Variants in KCNMA1 observed in about 807,000 individuals in gnomAD.
KCNMA1 encodes potassium calcium-activated channel subfamily M alpha 1.
In KCNMA1, 29 loss-of-function variants were observed where a neutral mutation model predicts 140.0. The ratio of observed to expected loss-of-function variants is 0.21; its 90% CI spans 0.15 to 0.28. KCNMA1 has a LOEUF of 0.28. Among genes scored for constraint, KCNMA1 ranks in the 10% least tolerant of loss-of-function variants. The pLI is 1.00. For synonymous variants in KCNMA1, 612 were observed against 611.9 expected, an observed-to-expected ratio of 1.00 and a Z score of 0.00; for missense variants, 880 against 1,602.2, an observed-to-expected ratio of 0.55 and a Z score of 7.70.
At chr10:77,261,708 A>G (rs531087068) in intron 2 of KCNMA1, among the ~76,000 whole-genome samples, 1 of 152,330 alleles carries the variant, frequency 6.6e-6, no homozygotes, top group Non-Finnish European at 1.5e-5. Context: ...AAAACTTAAA[A>G]GGTTGCTTTT....
chr10:77,238,049 G>A lies in KCNMA1; in HGVS notation c.602+13146C>T, dbSNP rs539183137. Among the ~76,000 whole-genome samples, 23 of 152,258 alleles carry A rather than the reference G, an allele frequency of 1.5e-4. No homozygotes were observed. In the South Asian group the frequency reaches 1.9e-3, roughly 12 times the overall value. ...CTGCACCAATTAAACTGTCACAGTC[G>A]GCTGGCTTGGAGGCAGGTGAGGTCA... On this transcript the variant is annotated intron_variant, in intron 3 of 27. Transcript: ENST00000286628.
At chr10:77,190,494 T>C (rs2098930449) in intron 3 of KCNMA1, among the ~76,000 whole-genome samples, 1 of 152,152 alleles carries the variant, frequency 6.6e-6, no homozygotes, top group South Asian at 2.1e-4. Context: ...TGCAGCCTTC[T>C]TGGAGAGGAA....
intron 1 of KCNMA1, among the ~76,000 whole-genome samples, chr10:77,452,446 A>G (rs1180914471): frequency 6.6e-6 from 1 of 152,216 alleles, no homozygotes; most frequent in Non-Finnish European, 1.5e-5. Context: ...GGAGTGTGAA[A>G]GACATTTGGG....
intron 2 of KCNMA1, among the ~76,000 whole-genome samples, chr10:77,357,615 GA>G (rs1436499421): frequency 1.3e-5 from 2 of 152,118 alleles, no homozygotes; most frequent in Non-Finnish European, 2.9e-5. Context: ...TGCTTCATTG[GA>G]ATATGTGATT....
intron 2 of KCNMA1, among the ~76,000 whole-genome samples, chr10:77,334,321 A>T (rs1010830586): frequency 3.3e-5 from 5 of 152,174 alleles, no homozygotes; most frequent in Non-Finnish European, 7.3e-5. Context: ...AACAGAAATG[A>T]TGGAAGATGT....
intron 1 of KCNMA1, among the ~76,000 whole-genome samples, chr10:77,502,635 C>T (rs2044334686): frequency 6.6e-6 from 1 of 152,178 alleles, no homozygotes; most frequent in Admixed American, 6.5e-5. Flanking sequence ...GAACTTCAGT[C>T]CATCTGACAG....
chr10:77,589,176 T>A (rs982249621), intron 1 of KCNMA1, among the ~76,000 whole-genome samples: 1 of 152,252 alleles, frequency 6.6e-6, no homozygotes, highest in African/African-American at 2.4e-5. Context: ...TCATGGCTAC[T>A]TATAAAACAA....
intron 5 of KCNMA1, among the ~76,000 whole-genome samples, chr10:77,121,802 A>G (rs2097604719): frequency 6.6e-6 from 1 of 152,246 alleles, no homozygotes; most frequent in African/African-American, 2.4e-5. Context: ...TTTAATAGCT[A>G]AGAGTGAATT....
chr10:77,027,637 G>C (rs2093581046), intron 16 of KCNMA1, among the ~76,000 whole-genome samples, 186 bp downstream of exon 16: 1 of 152,194 alleles, frequency 6.6e-6, no homozygotes, highest in Non-Finnish European at 1.5e-5. Flanking sequence ...TGCCAGGCTG[G>C]TCTGGCATAG....
intron 1 of KCNMA1, among the ~76,000 whole-genome samples, chr10:77,417,483 T>C (rs1263257177): frequency 6.6e-6 from 1 of 152,178 alleles, no homozygotes. Context: ...AAGCTTAAAC[T>C]GGGGGTTGGC....
At chr10:76,950,446 C>T (rs2065824613) in intron 21 of KCNMA1, among the ~76,000 whole-genome samples, 1 of 152,180 alleles carries the variant, frequency 6.6e-6, no homozygotes, top group South Asian at 2.1e-4. Context: ...ACCCCAACTT[C>T]CCAGGAAATA....
chr10:76,925,618 A>C (rs371218449), intron 23 of KCNMA1, among the ~76,000 whole-genome samples: 3 of 152,326 alleles, frequency 2.0e-5, no homozygotes, highest in East Asian at 1.9e-4. Context: ...CTGAAAATGT[A>C]ACCACTTTTT....
chr10:77,030,371 A>T (rs1156331643), intron 15 of KCNMA1, among the ~76,000 whole-genome samples: 5 of 152,182 alleles, frequency 3.3e-5, no homozygotes, highest in East Asian at 3.8e-4. Context: ...TTGTTTTTTT[A>T]AAAAATAAGA....
At chr10:77,391,507 A>G (rs542033767) in intron 2 of KCNMA1, among the ~76,000 whole-genome samples, 5 of 152,190 alleles carry the variant, frequency 3.3e-5, no homozygotes, top group African/African-American at 9.7e-5. Context: ...AGCCACTGTT[A>G]TGTCCTAGAT....
intron 1 of KCNMA1, among the ~76,000 whole-genome samples, chr10:77,413,771 G>A (rs1359427411): frequency 6.6e-6 from 1 of 152,174 alleles, no homozygotes; most frequent in Non-Finnish European, 1.5e-5. Flanking sequence ...TAAGACATTT[G>A]CACTGATTAA....
intron 6 of KCNMA1, among the ~76,000 whole-genome samples, chr10:77,118,805 C>A (rs139224453): frequency 2.0e-5 from 3 of 152,202 alleles, no homozygotes; most frequent in African/African-American, 7.2e-5. Flanking sequence ...TGGCCCCCTA[C>A]GCAGCAAGTT....
Position 77,023,716 on chromosome 10 carries a change from C to T in KCNMA1, c.1928+4107G>A, listed in dbSNP as rs187703965. On this transcript the variant is annotated intron_variant, in intron 16 of 27. Transcript: ENST00000286628. ...ATGTGCAGGCACAGTTCAGAGAAAC[C>T]CCACATCTCAAATCTTATCACCTTT... is the stretch of plus-strand genomic sequence containing the variant. 1.1e-3 allele frequency among the ~76,000 whole-genome samples: 172 copies of T among 152,250 alleles called. 1 individual carries two copies. The highest frequency in any genetic ancestry group is 0.01 in the Middle Eastern group (3 of 294).
At chr10:77,168,154 T>C (rs1379744049) in intron 5 of KCNMA1, among the ~76,000 whole-genome samples, 1 of 152,220 alleles carries the variant, frequency 6.6e-6, no homozygotes, top group African/African-American at 2.4e-5. Flanking sequence ...AATTAAAAGC[T>C]CAGGCGCTGA....
intron 1 of KCNMA1, among the ~76,000 whole-genome samples, chr10:77,494,218 T>G (rs1603629469): frequency 6.6e-6 from 1 of 152,356 alleles, no homozygotes; most frequent in East Asian, 1.9e-4. Context: ...TGAAAAGTGA[T>G]CTGTGCTTAA....
Sources: gnomAD v4.1 joint callset for allele counts (sites outside exome capture counted in the v4.1 genomes callset) on GRCh38, gnomAD v4.1.1 for gene constraint, MANE v1.5 for transcripts, NCBI Gene and HGNC (gene_info 2026-07-23, HGNC 2026-07-21) for gene names.